Variants in PRR12 observed in about 807,000 individuals in gnomAD.
PRR12 encodes proline rich 12.
A neutral mutation model predicts 138.0 loss-of-function variants in PRR12; 12 were observed. The observed-to-expected ratio is 0.09, with a 90% CI of 0.06 to 0.14. The LOEUF is 0.14. PRR12 is among the 10% of genes least tolerant of loss of function. PRR12 has a pLI of 1.00. For missense variants in PRR12, 2,692 were observed against 2,861.3 expected, an observed-to-expected ratio of 0.94 and a Z score of 1.35; for synonymous variants, 1,567 against 1,291.7, an observed-to-expected ratio of 1.21 and a Z score of -4.57.
chr19:49,613,620 CTGCTGTGGACA>C (rs2080877471), intron 6 of PRR12, among the ~76,000 whole-genome samples: 1 of 152,160 alleles, frequency 6.6e-6, no homozygotes, highest in Non-Finnish European at 1.5e-5. Context: ...TCTGTCTTCC[CTGCTGTGGACA>C]TGCTGGTGAA....
chr19:49,607,361 G>GTGCGCACACACACACA (rs2080843957), intron 6 of PRR12, among the ~76,000 whole-genome samples: 1 of 147,760 alleles, frequency 6.8e-6, no homozygotes, highest in South Asian at 2.1e-4. Flanking sequence ...ATGTACGTGT[G>GTGCGCACACACACACA]CACACACACA....
In PRR12 at chr19:49,601,633, A is replaced by G. The variant is rs369659675; in HGVS notation, c.4488A>G (p.Pro1496=). Residue 1496 remains proline (P), a synonymous_variant, in exon 6 of 14, where the codon CCA becomes CCG. Transcript: ENST00000418929. ...TGGTGGCCCCCACGCCCAGCTCACC[A>G]CCGCCACCGCCGCTGCCGCCGCCAC... ...PPLVAPTPSS[P]PPPPLPPPPP... is the part of the protein sequence containing the mutation. 2.3e-5 allele frequency: 35 copies of G among 1,527,810 alleles called. No individual in the cohort carries two copies. The highest frequency in any genetic ancestry group is 4.3e-5 in the African/African-American group (3 of 69,414). The allele number at this position is 1,527,810 out of a possible 1,614,324, so 94.6% of individuals were successfully genotyped here. A position where few individuals can be genotyped will look rare whatever the true frequency, so the allele number is the denominator to read the frequency against.
At chr19:49,622,908 C>CACATATAT (rs2049997831) in intron 11 of PRR12, among the ~76,000 whole-genome samples, 1 of 97,222 alleles carries the variant, frequency 1.0e-5, no homozygotes, top group Admixed American at 1.1e-4. Context: ...AAAACAAAAA[C>CACATATAT]ATATATATAT....
In PRR12 at chr19:49,594,366, C is replaced by A; in HGVS notation, c.200-88C>A. ...TCTCCCATCCCCTCCTTTTCCTGAT[C>A]CAACTTGCTTTTGGCCTCTTCCCTT... On this transcript the variant is annotated intron_variant, in intron 2 of 13. Coordinates refer to ENST00000418929, the MANE Select transcript of PRR12 (RefSeq NM_020719.3). This position sits in a 1 kb window ranked among gnomAD's most constrained non-coding sequence, Gnocchi z 5.6. 2 of 1,331,258 alleles carry A rather than the reference C, an allele frequency of 1.5e-6. No individual in the cohort carries two copies. The highest frequency in any genetic ancestry group is 1.5e-5 in the South Asian group (1 of 68,230). The allele number at this position is 1,331,258 out of a possible 1,614,324, so 82.5% of individuals were successfully genotyped here. A position where few individuals can be genotyped will look rare whatever the true frequency, so the allele number is the denominator to read the frequency against.
Position 49,595,025 on chromosome 19 carries a change from C to A in PRR12, c.690C>A (p.Gly230=), listed in dbSNP as rs769480686. The change falls in exon 4 of 14, where the codon GGC becomes GGA. Residue 230 remains glycine (G), a synonymous_variant. Coordinates refer to ENST00000418929, the MANE Select transcript of PRR12 (RefSeq NM_020719.3). ...CCCAGACCCCCCCTTACCGCCCTGG[C>A]CCCCCAGACCCACCACCACCTCCTC... ...GPAQTPPYRP[G]PPDPPPPPRH... The A allele has an allele frequency of 3.6e-5, 58 of 1,589,948 alleles. No individual in the cohort carries two copies. The highest frequency in any genetic ancestry group is 4.9e-5 in the Non-Finnish European group (57 of 1,164,970).
chr19:49,619,665 C>T (rs1366197079), intron 9 of PRR12, among the ~76,000 whole-genome samples: 3 of 150,108 alleles, frequency 2.0e-5, no homozygotes, highest in Non-Finnish European at 4.4e-5. Flanking sequence ...CCTCAGCCTC[C>T]CGAGTGGCTG....
intron 1 of PRR12, 34 bp downstream of exon 1, chr19:49,591,774 CAA>C: frequency 7.5e-7 from 1 of 1,340,378 alleles, no homozygotes; most frequent in Admixed American, 3.5e-5. Context: ...AGAAGGGGGC[CAA>C]GGGGTGGGAG....
At chr19:49,593,712 T>C (rs1194184039) in intron 2 of PRR12, among the ~76,000 whole-genome samples, 1 of 152,154 alleles carries the variant, frequency 6.6e-6, no homozygotes, top group Non-Finnish European at 1.5e-5. Context: ...TCCAGGCTTT[T>C]CCGCCTCTCC....
intron 4 of PRR12, among the ~76,000 whole-genome samples, chr19:49,598,871 G>A (rs897096856): frequency 7.9e-5 from 12 of 152,142 alleles, no homozygotes; most frequent in African/African-American, 2.9e-4. Context: ...TGGAGCTTAC[G>A]CTGGTTTGAA....
At chr19:49,605,514 A>T (rs2080833943) in intron 6 of PRR12, among the ~76,000 whole-genome samples, 1 of 151,840 alleles carries the variant, frequency 6.6e-6, no homozygotes, top group Non-Finnish European at 1.5e-5. Context: ...TGCCTGCCTC[A>T]GCCTCCCAAA....
intron 6 of PRR12, among the ~76,000 whole-genome samples, chr19:49,604,977 G>A (rs562947181): frequency 3.6e-4 from 54 of 152,074 alleles, no homozygotes; most frequent in Admixed American, 9.2e-4. Context: ...TCAGCCTCTC[G>A]AGTAGCTGGG....
Position 49,599,431 on chromosome 19 carries a change from G to A in PRR12, c.3838G>A (p.Gly1280Ser), listed in dbSNP as rs1021823462. ...VEEKQPEMKS[G>S]FMASFLDFLK... Reference sequence around the variant, plus strand: ...GGAGAAGCAGCCGGAGATGAAGTCGGGTTTCATGGCCTCCTTCTTGGACTT... The same window carrying A: ...GGAGAAGCAGCCGGAGATGAAGTCGAGTTTCATGGCCTCCTTCTTGGACTT... The change falls in exon 5 of 14, where the codon GGT (glycine) becomes AGT (serine). Residue 1280 changes from glycine to serine, a missense_variant. Physicochemically the swap from Gly to Ser is moderately conservative, Grantham distance 56. Around this residue, in one of 11 missense-constraint regions of PRR12, gnomAD observed 326 missense variants for 344.2 expected, o/e 0.95. Coordinates refer to ENST00000418929, the MANE Select transcript of PRR12 (RefSeq NM_020719.3). This position sits in a 1 kb window ranked among gnomAD's most constrained non-coding sequence, Gnocchi z 5.0. The A allele has an allele frequency of 1.2e-6, 2 of 1,609,038 alleles. No homozygotes were observed.
chr19:49,622,697 C>G (rs1477477102), intron 11 of PRR12, among the ~76,000 whole-genome samples: 1 of 146,778 alleles, frequency 6.8e-6, no homozygotes, highest in East Asian at 2.0e-4. Context: ...CGAGACCATC[C>G]TGACTAACAC....
At position 49,616,075 on chromosome 19, in the gene PRR12, C is replaced by A; in HGVS notation, c.5353C>A (p.Arg1785=). 1 of 1,567,038 alleles carries A rather than the reference C, an allele frequency of 6.4e-7. No homozygotes were observed. Among genetic ancestry groups the A allele is most frequent in the African/African-American group, 1.4e-5 (1 of 73,658 alleles). The change falls in exon 9 of 14, where the codon CGG becomes AGG. Residue 1785 remains arginine (R), a synonymous_variant. Transcript: ENST00000418929. The surrounding 1 kb of genome is among the most constrained non-coding windows in gnomAD (Gnocchi z 4.2). ...QPATSRLPKA[R]PTKVKAEPPP... ...TGCCACATCCCGGCTGCCCAAAGCC[C>A]GGCCTACCAAGGTGAAGGCTGAACC... is the stretch of plus-strand genomic sequence containing the variant.
intron 11 of PRR12, among the ~76,000 whole-genome samples, chr19:49,622,433 A>G (rs992896588): frequency 6.6e-6 from 1 of 151,972 alleles, no homozygotes; most frequent in South Asian, 2.1e-4. Flanking sequence ...TCTCTACTCA[A>G]AATAAAAAAT....
Position 49,625,421 on chromosome 19 carries a change from G to A in PRR12, c.5965-40G>A, listed in dbSNP as rs376114004. The A allele has an allele frequency of 1.4e-5, 22 of 1,550,394 alleles. No individual in the cohort carries two copies. The highest frequency in any genetic ancestry group is 6.2e-5 in the African/African-American group (4 of 64,026). ...CCAGCCCCTTCCCTCCCCAGAGGCC[G>A]GTGTGCCACCCTCCCCAGTGCCATG... On this transcript the variant is annotated intron_variant, in intron 13 of 13. Transcript: ENST00000418929. The surrounding 1 kb of genome is among the most constrained non-coding windows in gnomAD (Gnocchi z 5.5).
rs761955652 is a variant in PRR12, at chr19:49,596,001, G to A, written c.1666G>A (p.Gly556Ser). 1.3e-5 allele frequency: 21 copies of A among 1,600,842 alleles called. No homozygotes were observed. The Admixed American group carries it at 2.3e-4, about 18-fold the overall frequency. The change falls in exon 4 of 14, where the codon GGC (glycine) becomes AGC (serine). Residue 556 changes from glycine (G) to serine (S), a missense_variant. Coordinates refer to ENST00000418929, the MANE Select transcript of PRR12 (RefSeq NM_020719.3). The surrounding 1 kb of genome is among the most constrained non-coding windows in gnomAD (Gnocchi z 5.6). The part of the protein sequence containing the change: ...GGWGPSSLGG[G>S]GEASPSHIIR... ...CTGGGGACCCAGCTCCCTGGGAGGC[G>A]GCGGTGAGGCCAGCCCATCTCACAT...
At chr19:49,621,796 C>A in intron 11 of PRR12, 174 bp downstream of exon 11, 1 of 600,232 alleles carries the variant, frequency 1.7e-6, no homozygotes, top group Non-Finnish European at 3.0e-6. Flanking sequence ...TTCTCAACAG[C>A]CATGAAGCCC....
chr19:49,605,454 A>G (rs1227571535), intron 6 of PRR12, among the ~76,000 whole-genome samples: 5 of 146,422 alleles, frequency 3.4e-5, no homozygotes, highest in Non-Finnish European at 4.5e-5. Context: ...TAGAGATGGG[A>G]TTTCTCCATG....
Sources: allele counts gnomAD v4.1 joint callset (sites outside exome capture counted in the v4.1 genomes callset), GRCh38; gene constraint gnomAD v4.1.1; regional missense constraint gnomAD v4.1.1; non-coding constraint Gnocchi (gnomAD v3.1); transcripts MANE v1.5; gene names NCBI Gene and HGNC (gene_info 2026-07-23, HGNC 2026-07-21).